Variants in PRKN observed in about 807,000 individuals in gnomAD.
PRKN encodes the protein parkin RBR E3 ubiquitin protein ligase.
PRKN carries 56 observed loss-of-function variants against 59.5 expected under a neutral mutation model. That is an observed-to-expected ratio of 0.94 (90% CI 0.76 to 1.18). The LOEUF is 1.18. PRKN is among the 50% of genes most tolerant of loss of function. The probability of loss-of-function intolerance (pLI) is 0.00; values close to 1 mark genes in which losing one functional copy is unlikely to be tolerated. For synonymous variants in PRKN, 250 were observed against 222.1 expected (o/e 1.13, Z -1.12); for missense variants, 657 against 596.4 (o/e 1.10, Z -1.06).
rs1380191269 is a variant in PRKN at position 162,369,535 on chromosome 6, G to A, written c.171+73775C>T. Among the ~76,000 whole-genome samples, 3 of 152,274 alleles carry A rather than the reference G, an allele frequency of 2.0e-5. No homozygotes were observed. The East Asian group carries it at 5.8e-4, about 29-fold the overall frequency. ...TTGTACACATTCCACAAAAATATCA[G>A]CCATTTGTCTAGTTCAGCATCTGGT... On this transcript the variant is annotated intron_variant, in intron 2 of 11. Transcript: ENST00000366898.
At chr6:161,449,524 ACT>A (rs1789633261) in intron 9 of PRKN, among the ~76,000 whole-genome samples, 1 of 152,068 alleles carries the variant, frequency 6.6e-6, no homozygotes, top group Non-Finnish European at 1.5e-5. Flanking sequence ...TGACAAAAAG[ACT>A]CTCTTTTCAT....
At position 162,331,403 on chromosome 6, in the gene PRKN, G is replaced by A. The variant is rs780967455; in HGVS notation, c.172-68638C>T. 3.2e-4 allele frequency among the ~76,000 whole-genome samples: 49 copies of A among 152,250 alleles called. 1 individual carries two copies. The highest frequency in any genetic ancestry group is 2.4e-3 in the Admixed American group (36 of 15,284). On this transcript the variant is annotated intron_variant, in intron 2 of 11. Transcript: ENST00000366898. ...GTACACAGGACAATAAAATATGCCC[G>A]CTTCATCATTTCATTTATGTATCCA...
At chr6:161,681,243 T>A (rs1785350014) in intron 7 of PRKN, among the ~76,000 whole-genome samples, 1 of 152,152 alleles carries the variant, frequency 6.6e-6, no homozygotes, top group Non-Finnish European at 1.5e-5. Flanking sequence ...ATTACAGGCC[T>A]AAGCGACTGC....
At chr6:162,018,481 A>C (rs545040705) in intron 5 of PRKN, among the ~76,000 whole-genome samples, 1 of 152,320 alleles carries the variant, frequency 6.6e-6, no homozygotes, top group East Asian at 1.9e-4. Flanking sequence ...TTGGAGTCTA[A>C]ATTATCAAAT....
At position 162,492,885 on chromosome 6, in the gene PRKN, G is replaced by A. The variant is rs192482261; in HGVS notation, c.8-49412C>T. 1.4e-4 allele frequency among the ~76,000 whole-genome samples: 21 copies of A among 151,532 alleles called. 1 individual carries two copies. Among genetic ancestry groups the A allele is most frequent in the African/African-American group, 4.8e-4 (20 of 41,316 alleles). On this transcript the variant is annotated intron_variant, in intron 1 of 11. Transcript: ENST00000366898. ...GGAGAATTGCTTGAACCCGGGAGGC[G>A]GAGGTTGTAGTGAGCTGAGATCCCG...
chr6:161,973,954 G>A (rs1012629284), intron 5 of PRKN, among the ~76,000 whole-genome samples: 1 of 152,148 alleles, frequency 6.6e-6, no homozygotes, highest in African/African-American at 2.4e-5. Flanking sequence ...AAGTACACAT[G>A]GACTCCTGGT....
rs547914208 is a variant in PRKN at position 161,461,282 on chromosome 6, G to A, written c.1084-74405C>T. Among the ~76,000 whole-genome samples the A allele has an allele frequency of 6.6e-4, 101 of 152,310 alleles. No homozygotes were observed. The highest frequency in any genetic ancestry group is 2.2e-3 in the African/African-American group (90 of 41,568). On this transcript the variant is annotated intron_variant, in intron 9 of 11. Coordinates refer to ENST00000366898, the MANE Select transcript of PRKN (RefSeq NM_004562.3). The surrounding 1 kb of genome is among the most constrained non-coding windows in gnomAD (Gnocchi z 5.1). ...CCGGAAATGGTTCAACATGAGTTAA[G>A]TATAAGGTGTCGCTGGAGATGAGGG...
intron 7 of PRKN, among the ~76,000 whole-genome samples, chr6:161,570,134 A>T (rs1167509429): frequency 2.8e-4 from 37 of 132,668 alleles, no homozygotes; most frequent in African/African-American, 1.1e-3. Context: ...TAAAAAAAAA[A>T]AAAAAAAAAA....
At chr6:162,658,756 C>T (rs1319237563) in intron 1 of PRKN, among the ~76,000 whole-genome samples, 1 of 150,576 alleles carries the variant, frequency 6.6e-6, no homozygotes, top group Non-Finnish European at 1.5e-5. Context: ...CTTAAATCAT[C>T]TACACATCCC....
At chr6:162,033,078 AC>A (rs1783701985) in intron 5 of PRKN, among the ~76,000 whole-genome samples, 1 of 152,072 alleles carries the variant, frequency 6.6e-6, no homozygotes, top group Admixed American at 6.6e-5. Flanking sequence ...TATTCCAGAC[AC>A]TGGCTCCTCT....
At position 161,348,820 on chromosome 6, in the gene PRKN, A is replaced by G. The variant is rs1229522296; in HGVS notation, c.*1279T>C. On this transcript the variant is annotated 3_prime_UTR_variant, in exon 12 of 12. Coordinates refer to ENST00000366898, the MANE Select transcript of PRKN (RefSeq NM_004562.3). This position sits in a 1 kb window ranked among gnomAD's most constrained non-coding sequence, Gnocchi z 4.9. ...AGTGGTTGTACTTTCTCTTCTGCGT[A>G]GTGTGGGTAAGAGCATGCGGTTTGC... 9.5e-6 allele frequency: 2 copies of G among 209,544 alleles called. No individual in the cohort carries two copies. The highest frequency in any genetic ancestry group is 7.1e-5 in the East Asian group (1 of 13,988). 13.0% of individuals were successfully genotyped at this position (209,544 alleles called of 1,614,324 possible).
chr6:161,954,634 A>C (rs1168039648), intron 6 of PRKN, among the ~76,000 whole-genome samples: 1 of 152,242 alleles, frequency 6.6e-6, no homozygotes, highest in Non-Finnish European at 1.5e-5. Context: ...TCCTGAAATT[A>C]AGTATTCATT....
chr6:162,701,949 G>A (rs1287385897), intron 1 of PRKN, among the ~76,000 whole-genome samples: 1 of 151,458 alleles, frequency 6.6e-6, no homozygotes, highest in Non-Finnish European at 1.5e-5. Context: ...TTTCATTTAT[G>A]AATAAAATGT....
intron 2 of PRKN, among the ~76,000 whole-genome samples, chr6:162,425,731 T>C (rs1583553313): frequency 6.6e-6 from 1 of 151,988 alleles, no homozygotes; most frequent in Non-Finnish European, 1.5e-5. Context: ...AGAGAGGAAG[T>C]GAGAGGTACT....
Position 162,374,884 on chromosome 6 carries a change from C to T in PRKN, c.171+68426G>A, listed in dbSNP as rs1374037461. On this transcript the variant is annotated intron_variant, in intron 2 of 11. Transcript: ENST00000366898. ...TCAATTAAAATTGAAGAGTTTTAAA[C>T]GTGAGTTAGATAAATAGTATTTGTT... 4.6e-5 allele frequency among the ~76,000 whole-genome samples: 7 copies of T among 152,134 alleles called. No individual in the cohort carries two copies. In the East Asian group the frequency reaches 7.7e-4, roughly 17 times the overall value.
intron 7 of PRKN, among the ~76,000 whole-genome samples, chr6:161,681,843 G>GTTCTCGTT (rs1785376852): frequency 6.6e-6 from 1 of 152,228 alleles, no homozygotes; most frequent in South Asian, 2.1e-4. Flanking sequence ...TTCACCTGAA[G>GTTCTCGTT]TTCTCGTTCT....
chr6:161,617,824 C>T (rs999176564), intron 7 of PRKN, among the ~76,000 whole-genome samples: 23 of 152,216 alleles, frequency 1.5e-4, no homozygotes, highest in African/African-American at 5.3e-4. Context: ...GAAGCCAGTG[C>T]CAGAACTGCC....
intron 7 of PRKN, among the ~76,000 whole-genome samples, chr6:161,699,812 T>C (rs1471939200): frequency 6.6e-6 from 1 of 152,188 alleles, no homozygotes; most frequent in Non-Finnish European, 1.5e-5. Context: ...GTTTCACCGA[T>C]GTGTACATAC....
intron 9 of PRKN, among the ~76,000 whole-genome samples, chr6:161,403,201 T>C (rs1172473074): frequency 6.6e-6 from 1 of 152,158 alleles, no homozygotes. Context: ...CTCAGAGAGC[T>C]GATCATCTGT....
Sources: allele counts gnomAD v4.1 joint callset (sites outside exome capture counted in the v4.1 genomes callset), GRCh38; gene constraint gnomAD v4.1.1; non-coding constraint Gnocchi (gnomAD v3.1); transcripts MANE v1.5; gene names NCBI Gene and HGNC (gene_info 2026-07-23, HGNC 2026-07-21).